Variants in CORIN observed in about 807,000 individuals in gnomAD.
CORIN encodes corin, serine peptidase.
Under a neutral mutation model 125.3 loss-of-function variants are expected in CORIN, and 117 were observed. The observed-to-expected ratio is 0.93, with a 90% confidence interval of 0.80 to 1.09. CORIN has a LOEUF of 1.09. CORIN is among the 50% of genes least tolerant of loss of function. CORIN has a pLI of 0.00. For missense variants in CORIN, 1,253 were observed against 1,306.7 expected (o/e 0.96, Z 0.63); for synonymous variants, 450 against 466.4 (o/e 0.96, Z 0.45).
intron 16 of CORIN, among the ~76,000 whole-genome samples, chr4:47,632,851 C>T (rs959996061): frequency 3.3e-5 from 5 of 151,908 alleles, no homozygotes; most frequent in African/African-American, 1.2e-4. Flanking sequence ...GTGATCTCAG[C>T]TTACTGCAAC....
At chr4:47,669,163 C>T (rs144667161) in intron 10 of CORIN, among the ~76,000 whole-genome samples, 1 of 152,152 alleles carries the variant, frequency 6.6e-6, no homozygotes, top group East Asian at 1.9e-4. Flanking sequence ...AGAAAAAAAT[C>T]CTGATGGAAT....
intron 4 of CORIN, among the ~76,000 whole-genome samples, chr4:47,746,855 C>T (rs955391657): frequency 2.9e-4 from 44 of 152,144 alleles, no homozygotes; most frequent in Non-Finnish European, 5.9e-4. Context: ...TCTTGATATG[C>T]ACTTTGTGAG....
At chr4:47,715,401 T>C (rs918468281) in intron 5 of CORIN, among the ~76,000 whole-genome samples, 2 of 151,662 alleles carry the variant, frequency 1.3e-5, no homozygotes, top group South Asian at 4.2e-4. Context: ...AGCTCAGGAG[T>C]TTAAGACCCA....
chr4:47,625,777 A>T (rs1177179841), intron 17 of CORIN, among the ~76,000 whole-genome samples: 1 of 152,162 alleles, frequency 6.6e-6, no homozygotes. Context: ...ATATTGGATA[A>T]TCATCCATGG....
intron 2 of CORIN, among the ~76,000 whole-genome samples, chr4:47,787,488 T>C (rs539201007): frequency 1.3e-3 from 199 of 151,680 alleles, no homozygotes; most frequent in African/African-American, 3.1e-3. Flanking sequence ...GCTCATACAT[T>C]TATCAAAACT....
chr4:47,772,443 AT>A (rs1489403397), intron 3 of CORIN, among the ~76,000 whole-genome samples: 1 of 152,212 alleles, frequency 6.6e-6, no homozygotes, highest in South Asian at 2.1e-4. Context: ...TCTGTCAGGC[AT>A]TTTTTATAAA....
At chr4:47,686,522 C>T (rs1725524425) in intron 6 of CORIN, among the ~76,000 whole-genome samples, 1 of 152,196 alleles carries the variant, frequency 6.6e-6, no homozygotes, top group Non-Finnish European at 1.5e-5. Flanking sequence ...GGCTACAACA[C>T]ATGTGACAGC....
At chr4:47,768,497 C>A (rs560184402) in intron 3 of CORIN, among the ~76,000 whole-genome samples, 2 of 152,268 alleles carry the variant, frequency 1.3e-5, no homozygotes, top group Admixed American at 1.3e-4. Context: ...TGCCCTGATA[C>A]CAAAGCCAGA....
chr4:47,686,140 GA>G (rs1350622745), intron 6 of CORIN, among the ~76,000 whole-genome samples: 1 of 149,556 alleles, frequency 6.7e-6, no homozygotes, highest in African/African-American at 2.5e-5. Context: ...ACATATACAT[GA>G]ATCATAAATT....
chr4:47,832,440 C>CTTTTTTTTTTTTTTTTTTTTTTTTTTTTT (rs201022597), intron 1 of CORIN, among the ~76,000 whole-genome samples: 1 of 129,336 alleles, frequency 7.7e-6, no homozygotes, highest in Non-Finnish European at 1.7e-5. Flanking sequence ...TCTTTCTTTT[C>CTTTTTTTTTTTTTTTTTTTTTTTTTTTTT]TTTTCTTTTT....
rs1054965294 is a variant in CORIN, at chr4:47,661,914, T to C, written c.1590-58A>G. 3.3e-6 allele frequency: 5 copies of C among 1,495,204 alleles called. No homozygotes were observed. The East Asian group carries it at 9.3e-5, about 28-fold the overall frequency. The allele number at this position is 1,495,204 out of a possible 1,614,324, so 92.6% of individuals were successfully genotyped here. On this transcript the variant is annotated intron_variant, in intron 11 of 21. Coordinates refer to ENST00000273857, the MANE Select transcript of CORIN (RefSeq NM_006587.4). ...CAGAAATAGCTCCATCTGAGACAGA[T>C]GTCATAAATTTATGTCAAGTTTTAA...
chr4:47,602,284 TAAAC>T (rs976599385), intron 20 of CORIN, among the ~76,000 whole-genome samples: 22 of 152,030 alleles, frequency 1.4e-4, no homozygotes, highest in African/African-American at 4.8e-4. Flanking sequence ...AACAAACAAA[TAAAC>T]AAACAAACAA....
chr4:47,700,072 A>G (rs1352545659), intron 5 of CORIN, among the ~76,000 whole-genome samples: 4 of 152,186 alleles, frequency 2.6e-5, no homozygotes, highest in Admixed American at 2.6e-4. Flanking sequence ...CTTTATACAC[A>G]TGAGTCCATG....
At chr4:47,726,966 G>A (rs1727620177) in intron 5 of CORIN, among the ~76,000 whole-genome samples, 1 of 151,810 alleles carries the variant, frequency 6.6e-6, no homozygotes, top group South Asian at 2.1e-4. Context: ...AATATATAGA[G>A]CTAAACAAAG....
intron 10 of CORIN, among the ~76,000 whole-genome samples, chr4:47,669,564 TA>T (rs1724645283): frequency 6.6e-6 from 1 of 150,936 alleles, no homozygotes; most frequent in Non-Finnish European, 1.5e-5. Context: ...TATATATATA[TA>T]TATATGCTTT....
intron 10 of CORIN, among the ~76,000 whole-genome samples, chr4:47,669,572 C>CTTTT (rs1206820586): frequency 7.4e-6 from 1 of 135,496 alleles, no homozygotes; most frequent in Admixed American, 7.4e-5. Context: ...TATATATATG[C>CTTTT]TTTTTTTTTT....
chr4:47,732,565 C>CTTT (rs35277149), intron 5 of CORIN, among the ~76,000 whole-genome samples: 1 of 138,164 alleles, frequency 7.2e-6, no homozygotes, highest in Non-Finnish European at 1.6e-5. Flanking sequence ...GTAATCTACT[C>CTTT]TTTTTTTTTT....
At chr4:47,826,344 T>C (rs556774749) in intron 1 of CORIN, among the ~76,000 whole-genome samples, 1 of 152,352 alleles carries the variant, frequency 6.6e-6, no homozygotes, top group East Asian at 1.9e-4. Context: ...TGTAACAAAT[T>C]ACCATACACT....
rs577066033 is a variant in CORIN at position 47,809,116 on chromosome 4, G to A, written c.64-2069C>T. Among the ~76,000 whole-genome samples the A allele has an allele frequency of 1.1e-4, 17 of 152,252 alleles. No individual in the cohort carries two copies. The East Asian group carries it at 2.9e-3, about 26-fold the overall frequency. On this transcript the variant is annotated intron_variant, in intron 1 of 21. Coordinates refer to ENST00000273857, the MANE Select transcript of CORIN (RefSeq NM_006587.4). ...AAGTACCCCTGAACAAGTCTGTTAC[G>A]AGTTAAAAAAAGTTGCAAAGTATTT...
Sources: gnomAD v4.1 joint callset for allele counts (sites outside exome capture counted in the v4.1 genomes callset) on GRCh38, gnomAD v4.1.1 for gene constraint, MANE v1.5 for transcripts, NCBI Gene and HGNC (gene_info 2026-07-23, HGNC 2026-07-21) for gene names.